Variants in MEIG1 observed in about 807,000 individuals in gnomAD.
MEIG1 encodes the protein meiosis/spermiogenesis associated 1, also known as meiosis expressed gene 1 protein homolog.
A neutral mutation model predicts 11.3 loss-of-function variants in MEIG1; 12 were observed. That is an observed-to-expected ratio of 1.07 (90% CI 0.68 to 1.73). The LOEUF (loss-of-function observed/expected upper bound fraction) is 1.73, where lower values mean the gene tolerates loss of function less well. Among genes scored for constraint, MEIG1 ranks in the 40% most tolerant of loss-of-function variants. MEIG1 has a pLI of 0.00. For synonymous variants in MEIG1, 41 were observed against 33.2 expected (o/e 1.24, Z -0.81); for missense variants, 119 against 104.9 (o/e 1.13, Z -0.59).
At chr10:14,982,031 T>G (rs1260422583) in intron 1 of MEIG1, among the ~76,000 whole-genome samples, 2 of 152,248 alleles carry the variant, frequency 1.3e-5, no homozygotes, top group Non-Finnish European at 2.9e-5. Flanking sequence ...AGCCTGCTTC[T>G]GCAGTTTTCT....
intron 1 of MEIG1, among the ~76,000 whole-genome samples, chr10:14,962,052 C>T (rs1163341863): frequency 6.6e-6 from 1 of 152,114 alleles, no homozygotes; most frequent in Non-Finnish European, 1.5e-5. Flanking sequence ...ATCCTCCCTC[C>T]TCAGTCTCAG....
chr10:14,975,387 C>T (rs1429924926), downstream of MEIG1, among the ~76,000 whole-genome samples: 1 of 151,920 alleles, frequency 6.6e-6, no homozygotes. Context: ...AGAGGAGAGG[C>T]TGATATGACT....
intron 1 of MEIG1, among the ~76,000 whole-genome samples, chr10:14,981,857 T>G (rs867840361): frequency 6.6e-6 from 1 of 152,342 alleles, no homozygotes; most frequent in South Asian, 2.1e-4. Flanking sequence ...CCTTGCTTCT[T>G]TGGGGGGACC....
chr10:14,958,096 T>A (rs1020676587), upstream of MEIG1, among the ~76,000 whole-genome samples: 3 of 152,212 alleles, frequency 2.0e-5, no homozygotes, highest in Non-Finnish European at 4.4e-5. Context: ...GCAGGTTGCA[T>A]TGATGGATAT....
At chr10:14,977,863 C>T (rs1251961375) in intron 1 of MEIG1, among the ~76,000 whole-genome samples, 1 of 151,856 alleles carries the variant, frequency 6.6e-6, no homozygotes, top group Admixed American at 6.6e-5. Context: ...CTTCTAATAT[C>T]ACCGTGAGTT....
intron 2 of MEIG1, among the ~76,000 whole-genome samples, chr10:14,968,092 C>T (rs896218263): frequency 2.0e-5 from 3 of 152,082 alleles, no homozygotes; most frequent in African/African-American, 7.2e-5. Context: ...TTTTTACTAA[C>T]TCATCATTTT....
chr10:14,979,896 T>C (rs1843247681), intron 1 of MEIG1, among the ~76,000 whole-genome samples: 1 of 152,012 alleles, frequency 6.6e-6, no homozygotes, highest in Admixed American at 6.6e-5. Context: ...TAGAAGTATA[T>C]TATTTCTATT....
At chr10:14,976,377 T>G (rs1382552034), downstream of MEIG1, among the ~76,000 whole-genome samples, 1 of 152,170 alleles carries the variant, frequency 6.6e-6, no homozygotes, top group East Asian at 1.9e-4. Context: ...ACATTAAGAA[T>G]AATGTCACAA....
chr10:14,981,838 C>T (rs1589215523), intron 1 of MEIG1, among the ~76,000 whole-genome samples: 2 of 151,606 alleles, frequency 1.3e-5, no homozygotes, highest in African/African-American at 2.4e-5. Flanking sequence ...TTTCCCAGGG[C>T]CCCCCTTCCC....
chr10:14,960,994 G>A (rs765605085), intron 1 of MEIG1, among the ~76,000 whole-genome samples: 13 of 152,028 alleles, frequency 8.6e-5, no homozygotes, highest in Non-Finnish European at 1.3e-4. Flanking sequence ...ACGCCATGGC[G>A]CTCCAGCCTG....
chr10:14,973,781 A>AAAAAG (rs1354898381), downstream of MEIG1, among the ~76,000 whole-genome samples: 2 of 151,544 alleles, frequency 1.3e-5, no homozygotes, highest in South Asian at 2.1e-4. Flanking sequence ...AAAAAAAAAA[A>AAAAAG]AAAAAGAAAA....
At chr10:14,979,745 C>T (rs1375041228) in intron 1 of MEIG1, among the ~76,000 whole-genome samples, 1 of 151,694 alleles carries the variant, frequency 6.6e-6, no homozygotes, top group Non-Finnish European at 1.5e-5. Flanking sequence ...TTCCTAATAT[C>T]CTGAGGAGAT....
rs749211535 is a variant in MEIG1 at position 14,965,675 on chromosome 10, T to TGAGAGAGAGAGAGAGAGA, written c.-29-741_-29-724dup. Among the ~76,000 whole-genome samples, 151 of 101,190 alleles carry TGAGAGAGAGAGAGAGAGA rather than the reference T, an allele frequency of 1.5e-3. 5 individuals carry two copies. The East Asian group carries it at 0.017, about 12-fold the overall frequency. 66.4% of individuals were successfully genotyped at this position (101,190 alleles called of 152,430 possible). A position where few individuals can be genotyped will look rare whatever the true frequency, so the allele number is the denominator to read the frequency against. On this transcript the variant is annotated intron_variant, in intron 1 of 2. Coordinates refer to ENST00000407572, the MANE Select transcript of MEIG1 (RefSeq NM_001080836.3). ...GAAGACGGGTCTTACATTCCCTTTT[T>TGAGAGAGAGAGAGAGAGA]GAGAGAGAGAGAGAGAGAGAGAGAG...
chr10:14,974,623 G>C (rs1025598746), downstream of MEIG1, among the ~76,000 whole-genome samples: 1 of 151,960 alleles, frequency 6.6e-6, no homozygotes, highest in African/African-American at 2.4e-5. Context: ...TATTAATTGA[G>C]ACTAATAACT....
chr10:14,979,754 A>G (rs1843246076), intron 1 of MEIG1, among the ~76,000 whole-genome samples: 1 of 151,928 alleles, frequency 6.6e-6, no homozygotes, highest in Admixed American at 6.6e-5. Context: ...TCCTGAGGAG[A>G]TATTACTTTA....
intron 1 of MEIG1, among the ~76,000 whole-genome samples, chr10:14,984,730 G>T (rs1224444438): frequency 6.6e-6 from 1 of 152,076 alleles, no homozygotes; most frequent in Non-Finnish European, 1.5e-5. Flanking sequence ...CTAGGGAAAT[G>T]TGACTTTTAA....
At position 14,961,638 on chromosome 10, in the gene MEIG1, A is replaced by ATTTTTTTTTTTTTTTTTTTTT. The variant is rs34536061; in HGVS notation, c.-30+2082_-30+2102dup. 1.6e-4 allele frequency among the ~76,000 whole-genome samples: 12 copies of ATTTTTTTTTTTTTTTTTTTTT among 76,616 alleles called. 1 individual carries two copies. The highest frequency in any genetic ancestry group is 3.4e-4 in the East Asian group (1 of 2,904). The allele number at this position is 76,616 out of a possible 152,430, so 50.3% of individuals were successfully genotyped here. A position where few individuals can be genotyped will look rare whatever the true frequency, so the allele number is the denominator to read the frequency against. ...AGGCAGCCGCCACCGCATCCGGCTA[A>ATTTTTTTTTTTTTTTTTTTTT]TTTTTTTTTTTTTTTTTTTTTAGTA... is the stretch of plus-strand genomic sequence containing the variant. On this transcript the variant is annotated intron_variant, in intron 1 of 2. Coordinates refer to ENST00000407572, the MANE Select transcript of MEIG1 (RefSeq NM_001080836.3).
intron 1 of MEIG1, among the ~76,000 whole-genome samples, chr10:14,964,250 A>G (rs1429016105): frequency 6.6e-6 from 1 of 152,124 alleles, no homozygotes; most frequent in Non-Finnish European, 1.5e-5. Context: ...GCCTCCTAAC[A>G]GTCTTCATTA....
chr10:14,969,470 A>T (rs1843125443), intron 2 of MEIG1, among the ~76,000 whole-genome samples: 1 of 151,496 alleles, frequency 6.6e-6, no homozygotes, highest in Non-Finnish European at 1.5e-5. Context: ...AGAAAAAAGG[A>T]AAAAAGAAAA....
Sources: gnomAD v4.1 joint callset for allele counts (sites outside exome capture counted in the v4.1 genomes callset) on GRCh38, gnomAD v4.1.1 for gene constraint, MANE v1.5 for transcripts, NCBI Gene and HGNC (gene_info 2026-07-23, HGNC 2026-07-21) for gene names.